PLCG2: variants seen among roughly 807,000 people sequenced by gnomAD.
PLCG2 encodes the protein 1-phosphatidylinositol 4,5-bisphosphate phosphodiesterase gamma-2.
PLCG2 carries 69 observed loss-of-function variants against 175.6 expected under a neutral mutation model. The ratio of observed to expected loss-of-function variants is 0.39; its 90% CI spans 0.32 to 0.48. The LOEUF (loss-of-function observed/expected upper bound fraction) is 0.48, where lower values mean the gene tolerates loss of function less well. PLCG2 is among the 20% of genes least tolerant of loss of function. PLCG2 has a pLI of 0.91. For missense variants in PLCG2, 1,798 were observed against 1,650.9 expected (o/e 1.09, Z -1.54); for synonymous variants, 827 against 624.0 (o/e 1.33, Z -4.85).
chr16:81,772,959 C>T (rs935121822), intron 2 of PLCG2, among the ~76,000 whole-genome samples: 14 of 152,212 alleles, frequency 9.2e-5, no homozygotes, highest in African/African-American at 3.4e-4. Context: ...AGACTGCCTG[C>T]CTGACACCAT....
intron 14 of PLCG2, among the ~76,000 whole-genome samples, chr16:81,901,521 A>G (rs1909150595): frequency 6.6e-6 from 1 of 152,216 alleles, no homozygotes; most frequent in Admixed American, 6.5e-5. Context: ...GCAGTTTTCA[A>G]CTGGGGTTTC....
intron 2 of PLCG2, among the ~76,000 whole-genome samples, chr16:81,830,499 A>T (rs1331176568): frequency 6.6e-6 from 1 of 151,748 alleles, no homozygotes; most frequent in African/African-American, 2.4e-5. Flanking sequence ...TAGAGACAGG[A>T]TTTCACCACG....
intron 31 of PLCG2, among the ~76,000 whole-genome samples, chr16:81,947,751 T>C (rs922043352): frequency 3.3e-5 from 5 of 152,240 alleles, no homozygotes; most frequent in Non-Finnish European, 7.3e-5. Flanking sequence ...TTTACTTTGC[T>C]AGCAGTATGT....
intron 12 of PLCG2, chr16:81,895,573 A>G (rs1908843841): frequency 2.2e-6 from 1 of 454,670 alleles, no homozygotes; most frequent in Non-Finnish European, 3.9e-6. Context: ...AAAAAAAAAA[A>G]TGAAAAAAAA....
chr16:81,933,727 C>T (rs369861250), intron 25 of PLCG2, among the ~76,000 whole-genome samples: 60 of 152,314 alleles, frequency 3.9e-4, no homozygotes, highest in African/African-American at 1.3e-3. Flanking sequence ...AAGCACCCCC[C>T]AAACAGTCAC....
chr16:81,781,390 A>T (rs961674276), intron 1 of PLCG2, among the ~76,000 whole-genome samples: 2 of 144,910 alleles, frequency 1.4e-5, no homozygotes, highest in Non-Finnish European at 3.0e-5. Context: ...GAGGCCCCCC[A>T]CATTGATGAG....
chr16:81,900,521 T>C, intron 13 of PLCG2, 91 bp from the exon 14 acceptor site: 1 of 1,200,886 alleles, frequency 8.3e-7, no homozygotes, highest in African/African-American at 1.5e-5. Context: ...CCGGTTTCTG[T>C]CGTCCCAGGG....
chr16:81,910,371 A>G (rs774322485), intron 17 of PLCG2, 149 bp from the exon 18 acceptor site: 6 of 695,130 alleles, frequency 8.6e-6, no homozygotes, highest in African/African-American at 7.0e-5. Context: ...GATTACAGGC[A>G]TGAGCCACTG....
chr16:81,765,689 T>G (rs1014607765), intron 2 of PLCG2, among the ~76,000 whole-genome samples: 1 of 60,006 alleles, frequency 1.7e-5, no homozygotes, highest in African/African-American at 3.8e-5. Context: ...GTCTCAGACT[T>G]TTAGCCACCA....
intron 24 of PLCG2, among the ~76,000 whole-genome samples, chr16:81,930,801 A>G (rs1229683092): frequency 6.6e-6 from 1 of 151,780 alleles, no homozygotes; most frequent in East Asian, 1.9e-4. Context: ...GTAAAAGATT[A>G]TATGTAACAA....
chr16:81,787,141 C>G (rs1041084340), intron 2 of PLCG2, among the ~76,000 whole-genome samples: 2 of 152,194 alleles, frequency 1.3e-5, no homozygotes, highest in Non-Finnish European at 2.9e-5. Flanking sequence ...AACAGTTTAA[C>G]TCCAGAGAAG....
upstream of PLCG2, among the ~76,000 whole-genome samples, chr16:81,774,680 G>C (rs919307184): frequency 2.0e-5 from 3 of 152,108 alleles, no homozygotes; most frequent in African/African-American, 7.2e-5. Context: ...CCTGGTCACT[G>C]CCTTTGGAGG....
chr16:81,897,992 C>T, intron 13 of PLCG2: 1 of 405,440 alleles, frequency 2.5e-6, no homozygotes, highest in South Asian at 1.8e-5. Context: ...CAGCATTCTC[C>T]CCTGTGGGGT....
chr16:81,902,176 A>C (rs1173483345), intron 14 of PLCG2, among the ~76,000 whole-genome samples: 5 of 152,210 alleles, frequency 3.3e-5, no homozygotes, highest in African/African-American at 1.2e-4. Flanking sequence ...GTGGAATCTG[A>C]AGTCCCTAGC....
At chr16:81,769,871 C>G (rs932198184) in intron 2 of PLCG2, among the ~76,000 whole-genome samples, 10 of 147,620 alleles carry the variant, frequency 6.8e-5, no homozygotes, top group Non-Finnish European at 1.5e-4. Context: ...CCTTCAGATT[C>G]TAGTTCTGCC....
Position 81,893,801 on chromosome 16 carries a change from A to G in PLCG2, c.1072+7A>G, listed in dbSNP as rs1392576420. On this transcript the variant is annotated splice_region_variant and intron_variant, in intron 12 of 32. Transcript: ENST00000564138. ...GGCTGTCGCTGCATTGAACGTGAGTAGCTCCTTCTTGGTGGAGGTCAGGCT... is the reference window on the plus strand; with the variant it reads ...GGCTGTCGCTGCATTGAACGTGAGTGGCTCCTTCTTGGTGGAGGTCAGGCT... 5.0e-6 allele frequency: 8 copies of G among 1,592,500 alleles called. No individual in the cohort carries two copies. The highest frequency in any genetic ancestry group is 6.9e-6 in the Non-Finnish European group (8 of 1,162,178).
At chr16:81,885,035 G>A in intron 9 of PLCG2, among the ~76,000 whole-genome samples, 1 of 147,664 alleles carries the variant, frequency 6.8e-6, no homozygotes, top group African/African-American at 2.5e-5. Context: ...CTACAGGTAT[G>A]TGCCACCATG....
intron 7 of PLCG2, among the ~76,000 whole-genome samples, 195 bp downstream of exon 7, chr16:81,871,130 G>A (rs138302952): frequency 6.6e-6 from 1 of 152,262 alleles, no homozygotes; most frequent in East Asian, 1.9e-4. Context: ...CAGAGCTGTG[G>A]GCAAAATGTA....
At chr16:81,849,526 A>G (rs1015116661) in intron 2 of PLCG2, among the ~76,000 whole-genome samples, 1 of 152,160 alleles carries the variant, frequency 6.6e-6, no homozygotes, top group African/African-American at 2.4e-5. Flanking sequence ...TGGAAGGCCG[A>G]GACAGGCGGA....
Sources: allele counts gnomAD v4.1 joint callset (sites outside exome capture counted in the v4.1 genomes callset), GRCh38; gene constraint gnomAD v4.1.1; transcripts MANE v1.5; gene names NCBI Gene and HGNC (gene_info 2026-07-23, HGNC 2026-07-21).